Variants in RIN2 observed in about 807,000 individuals in gnomAD.
RIN2 encodes RAB5 interacting protein 2.
A neutral mutation model predicts 78.0 loss-of-function variants in RIN2; 36 were observed. That is an observed-to-expected ratio of 0.46 (90% CI 0.35 to 0.61). RIN2 has a LOEUF of 0.61. RIN2 is among the 20% of genes least tolerant of loss of function. The pLI, the probability that RIN2 is intolerant of heterozygous loss-of-function variation, is 0.00. For missense variants in RIN2, 1,087 were observed against 1,159.7 expected (o/e 0.94, Z 0.91); for synonymous variants, 466 against 466.8 (o/e 1.00, Z 0.02).
Position 19,998,708 on chromosome 20 carries a change from G to A in RIN2, c.2364+1866G>A, listed in dbSNP as rs184321152. 1.8e-3 allele frequency among the ~76,000 whole-genome samples: 273 copies of A among 152,238 alleles called. 2 individuals are homozygous for A. The highest frequency in any genetic ancestry group is 2.2e-3 in the Non-Finnish European group (152 of 68,014). ...TATGCTCAGAAATTCCTTCTGGAGCGCATAAACCTAAAGAGTGAGAATACA... is the reference window on the plus strand; with the variant it reads ...TATGCTCAGAAATTCCTTCTGGAGCACATAAACCTAAAGAGTGAGAATACA... On this transcript the variant is annotated intron_variant, in intron 12 of 12. Transcript: ENST00000255006.
At chr20:19,890,455 A>G (rs1300457997) in intron 3 of RIN2, among the ~76,000 whole-genome samples, 2 of 152,140 alleles carry the variant, frequency 1.3e-5, no homozygotes, top group African/African-American at 4.8e-5. Context: ...AAAGGTAGAA[A>G]AATGGAGGTA....
At chr20:19,890,759 A>G (rs1315808505) in intron 3 of RIN2, among the ~76,000 whole-genome samples, 4 of 151,784 alleles carry the variant, frequency 2.6e-5, no homozygotes, top group Non-Finnish European at 4.4e-5. Flanking sequence ...GAAATAAGGA[A>G]GAACATCACC....
At chr20:19,920,889 T>C (rs1323510310) in intron 3 of RIN2, among the ~76,000 whole-genome samples, 1 of 152,228 alleles carries the variant, frequency 6.6e-6, no homozygotes, top group Non-Finnish European at 1.5e-5. Context: ...GCCAGGCTGG[T>C]CTTGAACTCC....
At chr20:19,776,178 A>G (rs1023395168) in intron 1 of RIN2, among the ~76,000 whole-genome samples, 11 of 152,194 alleles carry the variant, frequency 7.2e-5, no homozygotes, top group African/African-American at 2.7e-4. Flanking sequence ...CCATGATGGG[A>G]AGTGGGAGTC....
intron 3 of RIN2, among the ~76,000 whole-genome samples, chr20:19,923,443 A>ATAAAG (rs1321979636): frequency 1.3e-4 from 16 of 121,730 alleles, no homozygotes; most frequent in Non-Finnish European, 2.3e-4. Flanking sequence ...ATAAAATAAA[A>ATAAAG]TAAAATAAAA....
intron 2 of RIN2, among the ~76,000 whole-genome samples, chr20:19,840,441 A>G (rs2036545674): frequency 6.6e-6 from 1 of 152,236 alleles, no homozygotes; most frequent in Non-Finnish European, 1.5e-5. Context: ...GTTAAAAGAA[A>G]GAGTTGTTCT....
chr20:19,856,605 A>G (rs1272760070), intron 2 of RIN2, among the ~76,000 whole-genome samples: 1 of 149,682 alleles, frequency 6.7e-6, no homozygotes, highest in Non-Finnish European at 1.5e-5. Flanking sequence ...AGGATGGAAG[A>G]AAGGAAGGAA....
chr20:19,837,213 G>C (rs973275603), intron 2 of RIN2, among the ~76,000 whole-genome samples: 9 of 131,602 alleles, frequency 6.8e-5, no homozygotes, highest in South Asian at 2.4e-4. Flanking sequence ...CACACACACA[G>C]AGTGAATTAC....
chr20:19,981,496 G>A (rs186075428), intron 9 of RIN2, among the ~76,000 whole-genome samples: 6 of 152,316 alleles, frequency 3.9e-5, no homozygotes, highest in Admixed American at 3.3e-4. Flanking sequence ...CCAGAAGCGG[G>A]AGGATCTACA....
intron 1 of RIN2, among the ~76,000 whole-genome samples, chr20:19,778,545 T>A (rs1232239095): frequency 6.6e-6 from 1 of 152,118 alleles, no homozygotes; most frequent in East Asian, 1.9e-4. Flanking sequence ...ACAAATCCAA[T>A]AAGTACTGCC....
intron 1 of RIN2, among the ~76,000 whole-genome samples, chr20:19,792,732 C>T (rs550926910): frequency 4.9e-4 from 74 of 152,344 alleles, no homozygotes; most frequent in African/African-American, 1.8e-3. Flanking sequence ...CCTCTTCCAG[C>T]TACAAAATGA....
chr20:19,977,246 G>C (rs769627550), intron 9 of RIN2, among the ~76,000 whole-genome samples: 2 of 152,134 alleles, frequency 1.3e-5, no homozygotes, highest in African/African-American at 2.4e-5. Context: ...TGTGGCCAGC[G>C]GCGCCAACCA....
intron 2 of RIN2, among the ~76,000 whole-genome samples, chr20:19,878,569 T>A (rs1191896287): frequency 6.6e-6 from 1 of 152,188 alleles, no homozygotes; most frequent in Non-Finnish European, 1.5e-5. Flanking sequence ...AGAACATACT[T>A]TAGTTAACAG....
chr20:19,786,452 C>T (rs932333970), intron 1 of RIN2, among the ~76,000 whole-genome samples: 1 of 152,154 alleles, frequency 6.6e-6, no homozygotes, highest in Non-Finnish European at 1.5e-5. Context: ...CAGTCTCCAG[C>T]TGTTCCAGCC....
At chr20:19,848,841 A>G (rs1480257965) in intron 2 of RIN2, among the ~76,000 whole-genome samples, 2 of 152,340 alleles carry the variant, frequency 1.3e-5, no homozygotes, top group East Asian at 3.9e-4. Flanking sequence ...AGTTACTGTA[A>G]TATACTATAA....
rs2033459655 is a variant in RIN2, at chr20:19,758,265, C to T, written c.-225C>T. On this transcript the variant is annotated 5_prime_UTR_variant, in exon 1 of 13. Transcript: ENST00000255006. ...TCCCGGGCGGGGAAACCCAGCCCCG[C>T]GCTCGTCTTTGGGGCCACCGGTCGC... is the stretch of plus-strand genomic sequence containing the variant. 6.6e-6 allele frequency: 1 copy of T among 152,488 alleles called. No homozygotes were observed. The highest frequency in any genetic ancestry group is 2.4e-5 in the African/African-American group (1 of 41,440). 9.4% of individuals were successfully genotyped at this position (152,488 alleles called of 1,614,324 possible).
At chr20:19,808,398 G>C (rs889632674) in intron 2 of RIN2, among the ~76,000 whole-genome samples, 1 of 152,254 alleles carries the variant, frequency 6.6e-6, no homozygotes, top group African/African-American at 2.4e-5. Flanking sequence ...ACAGGCTGTG[G>C]CATGGCCCTG....
intron 2 of RIN2, among the ~76,000 whole-genome samples, chr20:19,842,462 G>A (rs1424395671): frequency 7.4e-5 from 10 of 134,938 alleles, no homozygotes; most frequent in Non-Finnish European, 1.1e-4. Flanking sequence ...GGCTGGTCTC[G>A]AACTCTGGAC....
At chr20:19,767,912 A>C (rs148984764) in intron 1 of RIN2, among the ~76,000 whole-genome samples, 1,808 of 131,452 alleles carry the variant, frequency 0.014, 33 homozygotes, top group African/African-American at 0.048. Flanking sequence ...GCAACAGAGC[A>C]AAACTGTCTC....
Sources: gnomAD v4.1 joint callset for allele counts (sites outside exome capture counted in the v4.1 genomes callset) on GRCh38, gnomAD v4.1.1 for gene constraint, MANE v1.5 for transcripts, NCBI Gene and HGNC (gene_info 2026-07-23, HGNC 2026-07-21) for gene names.